Variants in METTL16 observed in about 807,000 individuals in gnomAD.
METTL16 encodes the protein RNA N(6)-adenosine-methyltransferase METTL16.
METTL16 carries 19 observed loss-of-function variants against 57.9 expected under a neutral mutation model. The ratio of observed to expected loss-of-function variants is 0.33; its 90% CI spans 0.23 to 0.48. The LOEUF is 0.48. METTL16 is among the 20% of genes least tolerant of loss of function. METTL16 has a pLI of 0.99. For synonymous variants in METTL16, 246 were observed against 255.6 expected, an observed-to-expected ratio of 0.96 and a Z score of 0.36; for missense variants, 434 against 691.5, an observed-to-expected ratio of 0.63 and a Z score of 4.18.
intron 1 of METTL16, among the ~76,000 whole-genome samples, chr17:2,507,209 AG>A (rs1450906105): frequency 6.8e-6 from 1 of 146,240 alleles, no homozygotes; most frequent in Non-Finnish European, 1.5e-5. Flanking sequence ...TGAGGGGGTC[AG>A]CCCCCCGCCC....
intron 2 of METTL16, among the ~76,000 whole-genome samples, chr17:2,485,930 T>C (rs1443624595): frequency 6.6e-6 from 1 of 152,140 alleles, no homozygotes; most frequent in Non-Finnish European, 1.5e-5. Flanking sequence ...GAGGCTTCCC[T>C]GCACAGACAA....
At chr17:2,506,629 C>T (rs2067538095) in intron 1 of METTL16, among the ~76,000 whole-genome samples, 1 of 151,990 alleles carries the variant, frequency 6.6e-6, no homozygotes, top group South Asian at 2.1e-4. Context: ...GTAATCGCGG[C>T]TCGCTACAAC....
chr17:2,451,378 G>GGAGGGC lies in METTL16; in HGVS notation c.729-9825_729-9820dup, dbSNP rs2067068353. Among the ~76,000 whole-genome samples the GGAGGGC allele has an allele frequency of 2.0e-5, 3 of 152,260 alleles. No homozygotes were observed. In the South Asian group the frequency reaches 6.2e-4, roughly 31 times the overall value. On this transcript the variant is annotated intron_variant, in intron 6 of 9. Transcript: ENST00000263092. ...TCACGCCTGTAATCCCAGCACTTTCGGAGGGCGAGGTAGGAGGATCACTTG... is the reference window on the plus strand; with the variant it reads ...TCACGCCTGTAATCCCAGCACTTTCGGAGGGCGAGGGCGAGGTAGGAGGATCACTTG...
chr17:2,511,458 C>T lies in METTL16; in HGVS notation c.-1+301G>A, dbSNP rs564125975. Among the ~76,000 whole-genome samples, 10 of 152,256 alleles carry T rather than the reference C, an allele frequency of 6.6e-5. No homozygotes were observed. In the East Asian group the frequency reaches 1.9e-3, roughly 29 times the overall value. On this transcript the variant is annotated intron_variant, in intron 1 of 9. Coordinates refer to ENST00000263092, the MANE Select transcript of METTL16 (RefSeq NM_024086.4). ...ACTAGTCCTGCCACTGCCGTTCTTT[C>T]CATGCCCTCATTTTATCAGCTCAGT...
At chr17:2,453,065 G>C (rs2067082586) in intron 6 of METTL16, among the ~76,000 whole-genome samples, 1 of 152,016 alleles carries the variant, frequency 6.6e-6, no homozygotes, top group Non-Finnish European at 1.5e-5. Flanking sequence ...TCACTGTGTT[G>C]GTCAGGCTGG....
At chr17:2,480,251 A>G (rs901220097) in intron 2 of METTL16, among the ~76,000 whole-genome samples, 2 of 152,152 alleles carry the variant, frequency 1.3e-5, no homozygotes, top group African/African-American at 4.8e-5. Context: ...CCTTGCAAAA[A>G]GATGGATGAT....
At chr17:2,438,467 T>C (rs563276018) in intron 7 of METTL16, among the ~76,000 whole-genome samples, 47 of 152,202 alleles carry the variant, frequency 3.1e-4, no homozygotes, top group Non-Finnish European at 5.1e-4. Flanking sequence ...CACAGCTCTT[T>C]AGAGAATTAT....
At chr17:2,425,859 G>C (rs531406757) in intron 8 of METTL16, among the ~76,000 whole-genome samples, 7 of 152,056 alleles carry the variant, frequency 4.6e-5, no homozygotes, top group African/African-American at 1.2e-4. Flanking sequence ...GCTAATTTTT[G>C]TATTTTTTGT....
intron 2 of METTL16, among the ~76,000 whole-genome samples, chr17:2,486,500 T>G (rs2067342291): frequency 6.6e-6 from 1 of 152,062 alleles, no homozygotes; most frequent in Non-Finnish European, 1.5e-5. Context: ...CTCAATCTCC[T>G]GACCTCATGA....
At chr17:2,494,815 T>C (rs1045243303) in intron 2 of METTL16, among the ~76,000 whole-genome samples, 14 of 151,816 alleles carry the variant, frequency 9.2e-5, no homozygotes, top group Admixed American at 8.5e-4. Context: ...CTGGCCAACA[T>C]GGTGAAACCC....
chr17:2,419,815 C>CG lies in METTL16; in HGVS notation c.*154dup. On this transcript the variant is annotated 3_prime_UTR_variant, in exon 10 of 10. Coordinates refer to ENST00000263092, the MANE Select transcript of METTL16 (RefSeq NM_024086.4). The stretch of plus-strand genomic sequence containing the variant: ...TGTAACTCAAAAAGCGGGAAGGAGG[C>CG]GGGGGGAGGTGGGGGACAGATTCAT... 1 of 882,426 alleles carries CG rather than the reference C, an allele frequency of 1.1e-6. No homozygotes were observed. 54.7% of individuals were successfully genotyped at this position (882,426 alleles called of 1,614,324 possible). A position where few individuals can be genotyped will look rare whatever the true frequency, so the allele number is the denominator to read the frequency against.
intron 2 of METTL16, among the ~76,000 whole-genome samples, chr17:2,492,501 T>C (rs941553520): frequency 2.0e-5 from 3 of 152,108 alleles, no homozygotes; most frequent in Non-Finnish European, 4.4e-5. Context: ...ATGCTAGTCA[T>C]TCTACACAAC....
intron 6 of METTL16, among the ~76,000 whole-genome samples, chr17:2,463,107 T>G (rs1406179174): frequency 6.6e-6 from 1 of 152,234 alleles, no homozygotes; most frequent in Non-Finnish European, 1.5e-5. Flanking sequence ...AACTGGTTAG[T>G]GATCTCAGTT....
chr17:2,427,048 C>T (rs1702548991), intron 8 of METTL16, among the ~76,000 whole-genome samples: 1 of 151,770 alleles, frequency 6.6e-6, no homozygotes, highest in Non-Finnish European at 1.5e-5. Context: ...AAGACTGAGG[C>T]AGGAGAATAA....
rs1190598377 is a variant in METTL16, at chr17:2,417,160, T to A, written c.*2810A>T. 2.1e-5 allele frequency: 3 copies of A among 143,024 alleles called. No homozygotes were observed. Among genetic ancestry groups the A allele is most frequent in the Non-Finnish European group, 4.5e-5 (3 of 67,218 alleles). 8.9% of individuals were successfully genotyped at this position (143,024 alleles called of 1,614,324 possible). ...CTCACTGCAACCTCCACCTCCCAGG[T>A]TCAAGCGAGTCTCCTGCCTCAGCCT... On this transcript the variant is annotated 3_prime_UTR_variant, in exon 10 of 10. Transcript: ENST00000263092.
In METTL16 at chr17:2,466,417, C is replaced by T. The variant is rs555133829; in HGVS notation, c.585+1344G>A. ...CTTAAGAACAAAAACAACCATAGAA[C>T]AAGTCACAGCCAAGAGAAAAACAGA... On this transcript the variant is annotated intron_variant, in intron 5 of 9. Transcript: ENST00000263092. Among the ~76,000 whole-genome samples the T allele has an allele frequency of 5.9e-5, 9 of 152,240 alleles. No individual in the cohort carries two copies. The South Asian group carries it at 6.2e-4, about 11-fold the overall frequency.
chr17:2,482,094 C>T (rs1033679919), intron 2 of METTL16, among the ~76,000 whole-genome samples: 3 of 152,168 alleles, frequency 2.0e-5, no homozygotes, highest in Non-Finnish European at 4.4e-5. Context: ...TTTGAGTATA[C>T]AGGAACTCAA....
intron 3 of METTL16, among the ~76,000 whole-genome samples, chr17:2,474,252 A>C (rs1261339015): frequency 1.3e-5 from 2 of 152,186 alleles, no homozygotes; most frequent in African/African-American, 4.8e-5. Flanking sequence ...ATGCCTTTGT[A>C]ATATCTTAAA....
intron 5 of METTL16, among the ~76,000 whole-genome samples, chr17:2,466,952 G>A (rs765698744): frequency 2.0e-5 from 3 of 151,938 alleles, no homozygotes; most frequent in Non-Finnish European, 2.9e-5. Context: ...ACAGGCACAC[G>A]CCATAGTGCC....
Sources: gnomAD v4.1 joint callset for allele counts (sites outside exome capture counted in the v4.1 genomes callset) on GRCh38, gnomAD v4.1.1 for gene constraint, MANE v1.5 for transcripts, NCBI Gene and HGNC (gene_info 2026-07-23, HGNC 2026-07-21) for gene names.